SPAG17: variants seen among roughly 807,000 people sequenced by gnomAD.
SPAG17 encodes sperm-associated antigen 17.
A neutral mutation model predicts 273.6 loss-of-function variants in SPAG17; 169 were observed. That is an observed-to-expected ratio of 0.62 (90% CI 0.55 to 0.70). The LOEUF is 0.70. SPAG17 is among the 30% of genes least tolerant of loss of function. The pLI is 0.00. For synonymous variants in SPAG17, 825 were observed against 873.2 expected (o/e 0.94, Z 0.97); for missense variants, 2,557 against 2,627.8 (o/e 0.97, Z 0.59).
chr1:118,104,486 T>C lies in SPAG17; in HGVS notation c.448-2560A>G, dbSNP rs549838038. ...AGAGAAATTTGGCTAGAGTTACAAA[T>C]GCAGGTGTGCATAACATACAAATAG... On this transcript the variant is annotated intron_variant, in intron 4 of 48. Coordinates refer to ENST00000336338, the MANE Select transcript of SPAG17 (RefSeq NM_206996.4). Among the ~76,000 whole-genome samples the C allele has an allele frequency of 3.3e-5, 5 of 152,334 alleles. No homozygotes were observed. The South Asian group carries it at 1.0e-3, about 32-fold the overall frequency.
chr1:118,081,458 T>C lies in SPAG17; in HGVS notation c.1947A>G (p.Gln649=), dbSNP rs746336917. The change falls in exon 14 of 49, where the codon CAA becomes CAG. Residue 649 remains glutamine, a synonymous_variant. Coordinates refer to ENST00000336338, the MANE Select transcript of SPAG17 (RefSeq NM_206996.4). ...CTTGAGTATTCATTTTCATGACATA[T>C]TGCTGCCTTATCTGTTTAGCAAATC... ...PARFAKQIRQ[Q]YVMKMNTQEA... The C allele has an allele frequency of 1.2e-6, 2 of 1,613,792 alleles. No homozygotes were observed. The highest frequency in any genetic ancestry group is 2.2e-5 in the East Asian group (1 of 44,882).
intron 3 of SPAG17, among the ~76,000 whole-genome samples, chr1:118,131,650 G>A (rs923364878): frequency 5.3e-5 from 8 of 152,182 alleles, no homozygotes; most frequent in Admixed American, 4.6e-4. Context: ...TGTGTACCAT[G>A]TTTTATGCTG....
rs1659928773 is a variant in SPAG17, at chr1:118,016,002, A to G, written c.4250T>C (p.Leu1417Ser). 6.2e-7 allele frequency: 1 copy of G among 1,613,938 alleles called. No homozygotes were observed. Among genetic ancestry groups the G allele is most frequent in the Admixed American group, 1.7e-5 (1 of 59,990 alleles). The change falls in exon 29 of 49, where the codon TTG becomes TCG. Residue 1417 changes from leucine to serine, a missense_variant. Physicochemically the swap from Leu to Ser is moderately radical, Grantham distance 145. Transcript: ENST00000336338. ...GLERIADLTPLLSFQATDPVN... is the reference protein window; with the variant it reads ...GLERIADLTPSLSFQATDPVN... ...AGGATCTGTGGCCTGAAAGGATAAC[A>G]ATGGGGTCAAGTCTGCTATTCTTTC...
chr1:117,972,233 GAAGTC>G (rs1400231465), intron 44 of SPAG17, among the ~76,000 whole-genome samples, 186 bp from the exon 45 acceptor site: 1 of 152,166 alleles, frequency 6.6e-6, no homozygotes, highest in African/African-American at 2.4e-5. Context: ...TAAGGATAAG[GAAGTC>G]AAGTTCAGAG....
intron 3 of SPAG17, among the ~76,000 whole-genome samples, chr1:118,144,307 C>T (rs562872864): frequency 6.6e-6 from 1 of 152,278 alleles, no homozygotes; most frequent in South Asian, 2.1e-4. Flanking sequence ...AATGTGGGGG[C>T]CCAGGGCTGT....
chr1:118,026,084 C>A (rs1170289589), intron 26 of SPAG17, among the ~76,000 whole-genome samples: 1 of 152,178 alleles, frequency 6.6e-6, no homozygotes. Context: ...ACCCTGGATA[C>A]ACACGCTGCC....
In SPAG17 at chr1:118,073,933, T is replaced by G; in HGVS notation, c.2306A>C (p.Glu769Ala). The G allele has an allele frequency of 6.4e-7, 1 of 1,568,312 alleles. No individual in the cohort carries two copies. The highest frequency in any genetic ancestry group is 1.2e-5 in the South Asian group (1 of 83,172). The change falls in exon 17 of 49, where the codon GAG (glutamate) becomes GCG (alanine). Residue 769 changes from glutamate to alanine, a missense_variant. Physicochemically the swap from Glu to Ala is moderately radical, Grantham distance 107 (BLOSUM62 -1). Coordinates refer to ENST00000336338, the MANE Select transcript of SPAG17 (RefSeq NM_206996.4). ...PKKMMVEADL[E>A]DIKKTQQRSL... is the part of the protein sequence containing the mutation. Reference sequence around the variant, plus strand: ...GCGCTGCTGTGTTTTCTTTATGTCCTCTAAATCTGCTTCCACCATCATCTT... The same window carrying G: ...GCGCTGCTGTGTTTTCTTTATGTCCGCTAAATCTGCTTCCACCATCATCTT...
At chr1:117,996,206 A>G (rs931282772) in intron 34 of SPAG17, among the ~76,000 whole-genome samples, 164 bp downstream of exon 34, 15 of 152,076 alleles carry the variant, frequency 9.9e-5, no homozygotes, top group African/African-American at 3.4e-4. Context: ...AAATAAGTTG[A>G]CATGACTTAT....
At chr1:118,166,699 T>C (rs1486680211) in intron 1 of SPAG17, among the ~76,000 whole-genome samples, 1 of 152,202 alleles carries the variant, frequency 6.6e-6, no homozygotes, top group Non-Finnish European at 1.5e-5. Context: ...TGATATTGTT[T>C]GAGCTATTGC....
Position 118,025,229 on chromosome 1 carries a change from T to A in SPAG17, c.3909+9A>T. The A allele has an allele frequency of 6.2e-7, 1 of 1,612,590 alleles. No homozygotes were observed. The highest frequency in any genetic ancestry group is 8.5e-7 in the Non-Finnish European group (1 of 1,179,110). On this transcript the variant is annotated intron_variant, in intron 27 of 48. Coordinates refer to ENST00000336338, the MANE Select transcript of SPAG17 (RefSeq NM_206996.4). ...AGGGAAGAATAATTTCTCTAACACA[T>A]TCTTTTACCTGTGTGGATCCATCCA... is the stretch of plus-strand genomic sequence containing the variant.
intron 48 of SPAG17, chr1:117,957,012 C>G (rs949756492): frequency 1.4e-6 from 2 of 1,411,168 alleles, no homozygotes; most frequent in Admixed American, 2.5e-5. Context: ...TAAAAATTGA[C>G]CATGTTAACA....
chr1:118,144,385 T>C (rs1177949936), intron 3 of SPAG17, among the ~76,000 whole-genome samples: 1 of 152,210 alleles, frequency 6.6e-6, no homozygotes, highest in Non-Finnish European at 1.5e-5. Flanking sequence ...TCATAGCCCT[T>C]TGTAACCGTT....
chr1:118,179,969 G>A (rs1167287176), intron 1 of SPAG17, among the ~76,000 whole-genome samples: 1 of 151,958 alleles, frequency 6.6e-6, no homozygotes, highest in Admixed American at 6.6e-5. Flanking sequence ...TGTGGAGAAA[G>A]AGGAACTCTT....
rs1659368144 is a variant in SPAG17 at position 118,151,369 on chromosome 1, T to C, written c.88A>G (p.Asn30Asp). ...PSLIAAQFNQ[N>D]DWQASIAFVV... ...AAAGCAATGGAGGCCTGCCAATCGTTCTATTAAAAATCAGACGGAATTAGA... is the reference window on the plus strand; with the variant it reads ...AAAGCAATGGAGGCCTGCCAATCGTCCTATTAAAAATCAGACGGAATTAGA... Residue 30 changes from asparagine (N) to aspartate (D), a missense_variant and splice_region_variant, in exon 2 of 49, where the codon AAC (asparagine) becomes GAC (aspartate). Physicochemically the swap from Asn to Asp is conservative, Grantham distance 23. Transcript: ENST00000336338. 1 of 1,611,344 alleles carries C rather than the reference T, an allele frequency of 6.2e-7. No homozygotes were observed. The highest frequency in any genetic ancestry group is 1.1e-5 in the South Asian group (1 of 90,620).
In SPAG17 at chr1:118,144,851, TAATC is replaced by T. The variant is rs149136946; in HGVS notation, c.315+5688_315+5691del. 9.3e-3 allele frequency among the ~76,000 whole-genome samples: 1,424 copies of T among 152,320 alleles called. 29 individuals carry two copies. Among genetic ancestry groups the T allele is most frequent in the African/African-American group, 0.032 (1,346 of 41,550 alleles). ...AAAATCACGTTGGCCAGGCTTGCCT[TAATC>T]AAGCTGTGCTTTTCTAAGCATCCTT... is the stretch of plus-strand genomic sequence containing the variant. On this transcript the variant is annotated intron_variant, in intron 3 of 48. Transcript: ENST00000336338.
chr1:118,157,709 C>T (rs1177204226), intron 1 of SPAG17, among the ~76,000 whole-genome samples: 1 of 152,190 alleles, frequency 6.6e-6, no homozygotes, highest in Non-Finnish European at 1.5e-5. Context: ...TCTCAGTAAA[C>T]CAGCTGTGTG....
intron 15 of SPAG17, among the ~76,000 whole-genome samples, chr1:118,077,538 G>GA (rs529347041): frequency 1.4e-4 from 21 of 150,642 alleles, no homozygotes; most frequent in East Asian, 3.9e-4. Flanking sequence ...CTGCTTTAAA[G>GA]AAAAAAAAAT....
intron 3 of SPAG17, among the ~76,000 whole-genome samples, chr1:118,148,119 C>CTTT (rs890268133): frequency 4.6e-5 from 7 of 152,128 alleles, no homozygotes; most frequent in Non-Finnish European, 4.4e-5. Flanking sequence ...GTTAGATTAT[C>CTTT]TTTTATCTCT....
At position 117,992,628 on chromosome 1, in the gene SPAG17, C is replaced by T. The variant is rs751550780; in HGVS notation, c.5199G>A (p.Pro1733=). 28 of 1,600,636 alleles carry T rather than the reference C, an allele frequency of 1.7e-5. No individual in the cohort carries two copies. Among genetic ancestry groups the T allele is most frequent in the Admixed American group, 7.0e-5 (4 of 56,742 alleles). The change falls in exon 36 of 49, where the codon CCG becomes CCA. Residue 1733 remains proline (P), a synonymous_variant. Transcript: ENST00000336338. The part of the protein sequence containing the change: ...PSVEKKTPGP[P]FGTQIWKGLC... ...GGCCTTTCCAAATCTGAGTACCAAA[C>T]GGAGGTCCTGGAGTTTTTTTCTGTT...
Sources: gnomAD v4.1 joint callset for allele counts (sites outside exome capture counted in the v4.1 genomes callset) on GRCh38, gnomAD v4.1.1 for gene constraint, MANE v1.5 for transcripts, NCBI Gene and HGNC (gene_info 2026-07-23, HGNC 2026-07-21) for gene names.